The following GFRA1 variants were observed in gnomAD, a reference collection of about 807,000 sequenced individuals.
GFRA1 encodes the protein GDNF family receptor alpha-1.
GFRA1 carries 16 observed loss-of-function variants against 51.6 expected under a neutral mutation model. The ratio of observed to expected loss-of-function variants is 0.31; its 90% CI spans 0.21 to 0.47. The LOEUF is 0.47. GFRA1 is among the 20% of genes least tolerant of loss of function. GFRA1 has a pLI of 1.00. For missense variants in GFRA1, 530 were observed against 594.3 expected (o/e 0.89, Z 1.13); for synonymous variants, 270 against 241.3 (o/e 1.12, Z -1.10).
chr10:116,258,712 C>T (rs1969081618), intron 4 of GFRA1, among the ~76,000 whole-genome samples: 1 of 152,032 alleles, frequency 6.6e-6, no homozygotes, highest in South Asian at 2.1e-4. Flanking sequence ...AGTATGTGCC[C>T]CCAAGACAAG....
intron 6 of GFRA1, among the ~76,000 whole-genome samples, chr10:116,122,716 T>C (rs148284962): frequency 1.3e-5 from 2 of 152,124 alleles, no homozygotes; most frequent in South Asian, 4.2e-4. Context: ...CTGGCCATCT[T>C]GTGTAAGATA....
chr10:116,103,414 T>C (rs982497734), intron 6 of GFRA1, among the ~76,000 whole-genome samples: 2 of 152,208 alleles, frequency 1.3e-5, no homozygotes, highest in African/African-American at 4.8e-5. Context: ...TGGTGGCCCT[T>C]ATATTACATA....
At chr10:116,193,231 C>T (rs1309494005) in intron 5 of GFRA1, among the ~76,000 whole-genome samples, 1 of 152,066 alleles carries the variant, frequency 6.6e-6, no homozygotes, top group Non-Finnish European at 1.5e-5. Context: ...CTGCAAACAG[C>T]GGGTTTGGAA....
At chr10:116,158,160 T>C (rs1000745686) in intron 5 of GFRA1, among the ~76,000 whole-genome samples, 1 of 152,300 alleles carries the variant, frequency 6.6e-6, no homozygotes, top group South Asian at 2.1e-4. Flanking sequence ...CAAAGGAAGA[T>C]GTTCTCTGCA....
intron 4 of GFRA1, among the ~76,000 whole-genome samples, chr10:116,268,333 T>C (rs759503881): frequency 1.3e-5 from 2 of 152,212 alleles, no homozygotes; most frequent in Non-Finnish European, 2.9e-5. Context: ...CACTTGATGA[T>C]TACCTAAGTT....
intron 5 of GFRA1, among the ~76,000 whole-genome samples, 179 bp from the exon 6 acceptor site, chr10:116,125,736 A>T (rs1235235224): frequency 3.9e-5 from 6 of 152,224 alleles, no homozygotes; most frequent in African/African-American, 1.4e-4. Flanking sequence ...GAGTACAAAT[A>T]CCAGGAGTCT....
chr10:116,153,213 C>T (rs955988885), intron 5 of GFRA1, among the ~76,000 whole-genome samples: 6 of 152,302 alleles, frequency 3.9e-5, no homozygotes, highest in South Asian at 2.1e-4. Context: ...AGGTTGGACA[C>T]GAAGGTTCTC....
At chr10:116,105,612 TAGTG>T (rs75938530) in intron 6 of GFRA1, among the ~76,000 whole-genome samples, 2,602 of 152,244 alleles carry the variant, frequency 0.017, 23 homozygotes, top group Non-Finnish European at 0.027. Context: ...ATATAAAAAT[TAGTG>T]AGAGAATTGG....
At chr10:116,083,150 G>C (rs1206285129) in intron 9 of GFRA1, among the ~76,000 whole-genome samples, 2 of 152,210 alleles carry the variant, frequency 1.3e-5, no homozygotes, top group Non-Finnish European at 2.9e-5. Context: ...GCTTTTCCCG[G>C]AAAACCAACT....
At chr10:116,252,701 G>A (rs956836006) in intron 4 of GFRA1, among the ~76,000 whole-genome samples, 13 of 152,134 alleles carry the variant, frequency 8.5e-5, no homozygotes, top group Non-Finnish European at 1.9e-4. Flanking sequence ...GCAATGTCTC[G>A]AGGCCAGTAA....
At chr10:116,225,219 T>G (rs1966193692) in intron 4 of GFRA1, among the ~76,000 whole-genome samples, 1 of 152,064 alleles carries the variant, frequency 6.6e-6, no homozygotes, top group African/African-American at 2.4e-5. Context: ...GTTCATAATT[T>G]TTTATATTAA....
Position 116,096,780 on chromosome 10 carries a change from A to T in GFRA1, c.771-16T>A. Reference sequence around the variant, plus strand: ...AAGGCGAGATCTACAATAGGAAAAAAGGGGTGGGGGGTGGAAATGTGCTTT... The same window carrying T: ...AAGGCGAGATCTACAATAGGAAAAATGGGGTGGGGGGTGGAAATGTGCTTT... On this transcript the variant is annotated splice_polypyrimidine_tract_variant and intron_variant, in intron 6 of 10. Coordinates refer to ENST00000355422, the MANE Select transcript of GFRA1 (RefSeq NM_005264.8). 7.2e-7 allele frequency: 1 copy of T among 1,382,014 alleles called. No individual in the cohort carries two copies. The highest frequency in any genetic ancestry group is 1.4e-5 in the African/African-American group (1 of 70,536). 85.6% of individuals were successfully genotyped at this position (1,382,014 alleles called of 1,614,324 possible). A position where few individuals can be genotyped will look rare whatever the true frequency, so the allele number is the denominator to read the frequency against.
intron 5 of GFRA1, among the ~76,000 whole-genome samples, chr10:116,129,057 G>A (rs1187483742): frequency 2.0e-5 from 3 of 152,042 alleles, no homozygotes; most frequent in South Asian, 2.1e-4. Flanking sequence ...TCTAGAATCC[G>A]CAACCTGGAA....
intron 6 of GFRA1, among the ~76,000 whole-genome samples, chr10:116,105,082 CTT>C (rs1039645129): frequency 8.5e-5 from 13 of 152,254 alleles, no homozygotes; most frequent in African/African-American, 3.1e-4. Flanking sequence ...GAAAACCTAG[CTT>C]TAGCTTTGGT....
At chr10:116,274,263 A>G (rs1361813596), upstream of GFRA1, among the ~76,000 whole-genome samples, 2 of 151,526 alleles carry the variant, frequency 1.3e-5, no homozygotes, top group African/African-American at 4.8e-5. Flanking sequence ...TCTAGGAGCC[A>G]GCCGGCAGTG....
In GFRA1 at chr10:116,112,403, G is replaced by A. The variant is rs1957248037; in HGVS notation, c.770+12818C>T. Among the ~76,000 whole-genome samples, 2 of 152,142 alleles carry A rather than the reference G, an allele frequency of 1.3e-5. 1 individual carries two copies. The highest frequency in any genetic ancestry group is 4.1e-4 in the South Asian group (2 of 4,832). On this transcript the variant is annotated intron_variant, in intron 6 of 10. Coordinates refer to ENST00000355422, the MANE Select transcript of GFRA1 (RefSeq NM_005264.8). ...GGGACACTGTCATTGTCATCATTTA[G>A]TTCTCCCTGTGGCAAATGATTACAT...
In GFRA1 at chr10:116,228,092, C is replaced by T. The variant is rs148120889; in HGVS notation, c.419-16447G>A. On this transcript the variant is annotated intron_variant, in intron 4 of 10. Transcript: ENST00000355422. ...CGCGTTTCAAAAGAACTGGCTGGAA[C>T]ATGGCTATTTCTAGATGGACTTGTT... is the stretch of plus-strand genomic sequence containing the variant. Among the ~76,000 whole-genome samples the T allele has an allele frequency of 2.6e-5, 4 of 152,292 alleles. No homozygotes were observed. In the East Asian group the frequency reaches 5.8e-4, roughly 22 times the overall value.
At chr10:116,124,216 T>C (rs1235898008) in intron 6 of GFRA1, among the ~76,000 whole-genome samples, 1 of 150,646 alleles carries the variant, frequency 6.6e-6, no homozygotes, top group Non-Finnish European at 1.5e-5. Context: ...GTGGTTTTTC[T>C]TTTCTTCTTC....
chr10:116,106,588 G>A (rs1276937820), intron 6 of GFRA1, among the ~76,000 whole-genome samples: 1 of 152,014 alleles, frequency 6.6e-6, no homozygotes, highest in African/African-American at 2.4e-5. Context: ...TAGCGAGTAG[G>A]TTCTTGTGAG....
Sources: allele counts gnomAD v4.1 joint callset (sites outside exome capture counted in the v4.1 genomes callset), GRCh38; gene constraint gnomAD v4.1.1; transcripts MANE v1.5; gene names NCBI Gene and HGNC (gene_info 2026-07-23, HGNC 2026-07-21).